The following NREP variants were observed in gnomAD, a reference collection of about 807,000 sequenced individuals.
The protein encoded by NREP is neuronal regeneration-related protein.
In NREP, 5 loss-of-function variants were observed where a neutral mutation model predicts 8.6. That is an observed-to-expected ratio of 0.58 (90% CI 0.30 to 1.22). NREP has a LOEUF of 1.22. NREP is among the 50% of genes most tolerant of loss of function. The probability of loss-of-function intolerance (pLI) is 0.07; values close to 1 mark genes in which losing one functional copy is unlikely to be tolerated. For missense variants in NREP, 86 were observed against 82.5 expected (o/e 1.04, Z -0.17); for synonymous variants, 27 against 28.0 (o/e 0.96, Z 0.11).
At chr5:111,761,205 T>A (rs571722438), upstream of NREP, among the ~76,000 whole-genome samples, 3 of 152,220 alleles carry the variant, frequency 2.0e-5, no homozygotes, top group East Asian at 1.9e-4. Flanking sequence ...ACAGTAGCAA[T>A]AGGTATTATA....
intron 2 of NREP, among the ~76,000 whole-genome samples, chr5:111,861,179 G>A (rs1753534017): frequency 1.3e-5 from 2 of 152,154 alleles, no homozygotes; most frequent in South Asian, 2.1e-4. Context: ...ACAGAGATCA[G>A]GAAGTTTCCT....
At chr5:111,910,024 C>T (rs1253320591) in intron 2 of NREP, among the ~76,000 whole-genome samples, 1 of 152,088 alleles carries the variant, frequency 6.6e-6, no homozygotes, top group East Asian at 1.9e-4. Flanking sequence ...TAAGTTTTAG[C>T]AGCCACGATA....
intron 2 of NREP, among the ~76,000 whole-genome samples, chr5:111,878,330 T>C (rs972066449): frequency 6.6e-6 from 1 of 152,218 alleles, no homozygotes; most frequent in Non-Finnish European, 1.5e-5. Context: ...TCAGGAAACT[T>C]GTAATCATGG....
intron 2 of NREP, among the ~76,000 whole-genome samples, chr5:111,781,499 T>G (rs543565110): frequency 6.6e-6 from 1 of 152,290 alleles, no homozygotes; most frequent in African/African-American, 2.4e-5. Flanking sequence ...TGAGAGCCCA[T>G]ACATCAGGCA....
At chr5:111,731,102 C>A in intron 3 of NREP, 56 bp from the exon 4 acceptor site, 2 of 1,587,856 alleles carry the variant, frequency 1.3e-6, no homozygotes, top group South Asian at 2.3e-5. Context: ...CAAAATTAGT[C>A]ATGCTTCTGA....
intron 2 of NREP, among the ~76,000 whole-genome samples, chr5:111,942,321 C>G (rs949195531): frequency 2.6e-5 from 4 of 152,006 alleles, no homozygotes; most frequent in Non-Finnish European, 4.4e-5. Context: ...AAAAAAATCT[C>G]ATGAGAGTCG....
intron 2 of NREP, among the ~76,000 whole-genome samples, chr5:111,944,334 G>T (rs370456849): frequency 6.6e-6 from 1 of 151,708 alleles, no homozygotes; most frequent in South Asian, 2.1e-4. Context: ...TTGAGACAAG[G>T]TCTTGCTCTG....
At chr5:111,808,964 C>CA (rs1752207281) in intron 2 of NREP, among the ~76,000 whole-genome samples, 1 of 152,146 alleles carries the variant, frequency 6.6e-6, no homozygotes, top group Admixed American at 6.5e-5. Flanking sequence ...GTTATAATTA[C>CA]AAATGACCTT....
Position 111,757,116 on chromosome 5 carries a change from T to C in NREP, c.-59+20A>G, listed in dbSNP as rs897959638. The C allele has an allele frequency of 2.4e-5, 18 of 752,416 alleles. No homozygotes were observed. Among genetic ancestry groups the C allele is most frequent in the African/African-American group, 5.8e-5 (3 of 52,004 alleles). The allele number at this position is 752,416 out of a possible 1,614,324, so 46.6% of individuals were successfully genotyped here. A position where few individuals can be genotyped will look rare whatever the true frequency, so the allele number is the denominator to read the frequency against. On this transcript the variant is annotated intron_variant, in intron 1 of 3. Transcript: ENST00000257435. ...AGAAACCAGCGCTCCCAGCCGGGGATAGGAATGGCATATACTTACAGACAA... is the reference window on the plus strand; with the variant it reads ...AGAAACCAGCGCTCCCAGCCGGGGACAGGAATGGCATATACTTACAGACAA...
chr5:111,757,526 G>A (rs1377646648), upstream of NREP: 1 of 984,986 alleles, frequency 1.0e-6, no homozygotes, highest in Non-Finnish European at 1.2e-6. Context: ...CAGCCTTGCT[G>A]CCACTGTGCA....
Position 111,851,856 on chromosome 5 carries a change from A to G in NREP, c.136-116349T>C, listed in dbSNP as rs1419194254. ...CCATTCCATAATGAGCATGTATTTC[A>G]AAACACCATGTTGTACATGATAAGT... On this transcript the variant is annotated intron_variant, in intron 2 of 3. Coordinates refer to the NREP transcript ENST00000395634. 2.6e-5 allele frequency among the ~76,000 whole-genome samples: 4 copies of G among 152,230 alleles called. No homozygotes were observed. The East Asian group carries it at 7.7e-4, about 29-fold the overall frequency.
intron 2 of NREP, among the ~76,000 whole-genome samples, chr5:111,775,269 C>T (rs1390009513): frequency 6.6e-6 from 1 of 152,132 alleles, no homozygotes; most frequent in Non-Finnish European, 1.5e-5. Context: ...TACCAATCCT[C>T]ATTTTAAGGG....
At chr5:111,862,571 C>T (rs1753573757) in intron 2 of NREP, among the ~76,000 whole-genome samples, 1 of 152,048 alleles carries the variant, frequency 6.6e-6, no homozygotes, top group Non-Finnish European at 1.5e-5. Context: ...CCTGCCTGGG[C>T]CATGCTGTAT....
intron 2 of NREP, among the ~76,000 whole-genome samples, chr5:111,851,457 A>C (rs1753307188): frequency 6.6e-6 from 1 of 152,190 alleles, no homozygotes; most frequent in South Asian, 2.1e-4. Flanking sequence ...GTGTGTGTAC[A>C]TATATAGAGA....
chr5:111,943,146 T>G (rs1425985258), intron 2 of NREP, among the ~76,000 whole-genome samples: 1 of 152,042 alleles, frequency 6.6e-6, no homozygotes, highest in East Asian at 1.9e-4. Context: ...GCATCTCCAC[T>G]CTGTCCTCTG....
chr5:111,774,532 G>C (rs1751312774), intron 2 of NREP, among the ~76,000 whole-genome samples: 1 of 152,154 alleles, frequency 6.6e-6, no homozygotes, highest in Non-Finnish European at 1.5e-5. Context: ...AAGGAGAAAG[G>C]CCACAGAAAG....
Position 111,750,804 on chromosome 5 carries a change from T to C in NREP, c.3+4966A>G, listed in dbSNP as rs1750314922. Reference sequence around the variant, plus strand: ...GTGAGCTTTAAATACCATAGCTGGATCCAACCCAGAGAGATGGCATCGCAC... The same window carrying C: ...GTGAGCTTTAAATACCATAGCTGGACCCAACCCAGAGAGATGGCATCGCAC... On this transcript the variant is annotated intron_variant, in intron 2 of 3. Transcript: ENST00000257435. 5.9e-5 allele frequency among the ~76,000 whole-genome samples: 9 copies of C among 152,164 alleles called. No homozygotes were observed. In the South Asian group the frequency reaches 1.9e-3, roughly 32 times the overall value.
At chr5:111,817,737 G>A (rs971652486) in intron 2 of NREP, among the ~76,000 whole-genome samples, 17 of 149,804 alleles carry the variant, frequency 1.1e-4, no homozygotes, top group African/African-American at 3.7e-4. Context: ...CCCAGGAGGC[G>A]GAGCTTACAG....
chr5:111,757,571 A>G, upstream of NREP: 1 of 984,472 alleles, frequency 1.0e-6, no homozygotes, highest in Non-Finnish European at 1.2e-6. Flanking sequence ...CTCGGCAGGA[A>G]TCGGCGGCTC....
Sources: allele counts gnomAD v4.1 joint callset (sites outside exome capture counted in the v4.1 genomes callset), GRCh38; gene constraint gnomAD v4.1.1; transcripts MANE v1.5; gene names NCBI Gene and HGNC (gene_info 2026-07-23, HGNC 2026-07-21).